The following TTN variants were observed in gnomAD, a reference collection of about 807,000 sequenced individuals.
TTN encodes connectin.
TTN carries 1,525 observed loss-of-function variants against 3,223.0 expected under a neutral mutation model. The observed-to-expected ratio is 0.47, with a 90% CI of 0.45 to 0.49. TTN has a LOEUF of 0.49. Among genes scored for constraint, TTN ranks in the 20% least tolerant of loss-of-function variants. TTN has a pLI of 0.00. For missense variants in TTN, 40,786 were observed against 43,424.0 expected (o/e 0.94, Z 5.40); for synonymous variants, 14,094 against 15,161.0 (o/e 0.93, Z 5.17).
Position 178,671,156 on chromosome 2 carries a change from C to G in TTN, c.35242G>C (p.Glu11748Gln), listed in dbSNP as rs1457672256. 1 of 1,602,320 alleles carries G rather than the reference C, an allele frequency of 6.2e-7. No individual in the cohort carries two copies. Residue 11748 changes from glutamate (E) to glutamine (Q), a missense_variant, in exon 156 of 363, where the codon GAG becomes CAG. Physicochemically the swap from Glu to Gln is conservative, Grantham distance 29. Transcript: ENST00000589042. ...KAPPKGPEISEKIIPPKKPPT... is the reference protein window; with the variant it reads ...KAPPKGPEISQKIIPPKKPPT... Reference sequence around the variant, plus strand: ...GGTTTTTTTGGAGGGATGATTTTCTCAGATATCTCAGGCCCTTCAAAGATA... The same window carrying G: ...GGTTTTTTTGGAGGGATGATTTTCTGAGATATCTCAGGCCCTTCAAAGATA...
chr2:178,775,164 C>T lies in TTN; in HGVS notation c.6547G>A (p.Val2183Ile), dbSNP rs940814498. The change falls in exon 29 of 363, where the codon GTT becomes ATT. Residue 2183 changes from valine to isoleucine, a missense_variant. Transcript: ENST00000589042. ...LITFTQELQD[V>I]VAKEKDTMAT... is the part of the protein sequence containing the mutation. ...ATAGTGTCTTTTTCCTTAGCAACAA[C>T]ATCTTGTAATTCCTGTGTGAAAGTG... 8.7e-6 allele frequency: 14 copies of T among 1,613,804 alleles called. No homozygotes were observed. The African/African-American group carries it at 1.1e-4, about 12-fold the overall frequency.
At position 178,784,145 on chromosome 2, in the gene TTN, C is replaced by G; in HGVS notation, c.2700G>C (p.Lys900Asn). The G allele has an allele frequency of 6.2e-7, 1 of 1,614,132 alleles. No homozygotes were observed. The highest frequency in any genetic ancestry group is 1.7e-5 in the Admixed American group (1 of 60,030). ...TGCCAGTGATGCTCACCCCTACTTCCTTTTTCACCTCAACGCCAGCTTCAC... is the reference window on the plus strand; with the variant it reads ...TGCCAGTGATGCTCACCCCTACTTCGTTTTTCACCTCAACGCCAGCTTCAC... ...YKSEAGVEVKKEVGVSITGTT... is the reference protein window; with the variant it reads ...YKSEAGVEVKNEVGVSITGTT... The change falls in exon 16 of 363, where the codon AAG becomes AAC. Residue 900 changes from lysine (K) to asparagine (N), a missense_variant. Transcript: ENST00000589042.
Position 178,731,399 on chromosome 2 carries a change from G to A in TTN, c.17367C>T (p.Leu5789=). 6.2e-7 allele frequency: 1 copy of A among 1,613,782 alleles called. No homozygotes were observed. Among genetic ancestry groups the A allele is most frequent in the East Asian group, 2.2e-5 (1 of 44,848 alleles). Residue 5789 remains leucine (L), a synonymous_variant, in exon 59 of 363, where the codon CTC becomes CTT. Coordinates refer to ENST00000589042, the MANE Select transcript of TTN (RefSeq NM_001267550.2). ...CATCATGCTTGACTTCAATGCCACTGAGGTACAAACTGGCCACATTGTTCT... is the reference window on the plus strand; with the variant it reads ...CATCATGCTTGACTTCAATGCCACTAAGGTACAAACTGGCCACATTGTTCT... ...TFENNVASLY[L]SGIEVKHDGK...
rs941241428 is a variant in TTN, at chr2:178,551,528, A to G, written c.91270+102T>C. 3.9e-6 allele frequency: 4 copies of G among 1,020,722 alleles called. No homozygotes were observed. In the Admixed American group the frequency reaches 9.2e-5, roughly 24 times the overall value. The allele number at this position is 1,020,722 out of a possible 1,614,324, so 63.2% of individuals were successfully genotyped here. ...TGACCAGTTCTCTAGTGACAAGAAG[A>G]TATGTAAGAAGGTGATGCAGAGAAG... On this transcript the variant is annotated intron_variant, in intron 335 of 362. Coordinates refer to ENST00000589042, the MANE Select transcript of TTN (RefSeq NM_001267550.2).
intron 11 of TTN, 86 bp downstream of exon 11, chr2:178,790,622 G>A: frequency 2.5e-6 from 4 of 1,599,624 alleles, no homozygotes; most frequent in Non-Finnish European, 3.4e-6. Context: ...GTGAAGAAGT[G>A]ATGATTAAGA....
intron 164 of TTN, 50 bp downstream of exon 164, chr2:178,665,658 A>G (rs2065802828): frequency 7.8e-7 from 1 of 1,286,968 alleles, no homozygotes; most frequent in Non-Finnish European, 1.0e-6. Context: ...CACCCTGTAC[A>G]TGCTAAGCAC....
chr2:178,583,669 G>T lies in TTN; in HGVS notation c.65513C>A (p.Thr21838Asn), dbSNP rs1458673199. 1 of 1,612,248 alleles carries T rather than the reference G, an allele frequency of 6.2e-7. No individual in the cohort carries two copies. Residue 21838 changes from threonine to asparagine, a missense_variant, in exon 312 of 363, where the codon ACC becomes AAC. Thr to Asn is a moderately conservative substitution (Grantham distance 65, BLOSUM62 0). Transcript: ENST00000589042. ...AQYQFRAIAR[T>N]AVNISPPSEP... ...AGAAGGTGGGCTAATGTTTACCGCG[G>T]TCCTGGCAATAGCTCTAAATTGATA...
At chr2:178,738,902 T>C (rs2081992691) in intron 48 of TTN, among the ~76,000 whole-genome samples, 1 of 152,170 alleles carries the variant, frequency 6.6e-6, no homozygotes, top group Non-Finnish European at 1.5e-5. Context: ...TTATGAAACA[T>C]ATGAAAATAT....
intron 209 of TTN, 41 bp downstream of exon 209, chr2:178,650,710 T>C (rs2742355): frequency 1.3e-6 from 2 of 1,509,218 alleles, no homozygotes; most frequent in Non-Finnish European, 1.8e-6. Context: ...TTAGAAATAG[T>C]CGCAAGTGGC....
rs755501933 is a variant in TTN at position 178,571,031 on chromosome 2, C to A, written c.75101G>T (p.Gly25034Val). 1 of 1,612,504 alleles carries A rather than the reference C, an allele frequency of 6.2e-7. No individual in the cohort carries two copies. The highest frequency in any genetic ancestry group is 8.5e-7 in the Non-Finnish European group (1 of 1,178,804). Residue 25034 changes from glycine (G) to valine (V), a missense_variant, in exon 326 of 363, where the codon GGT becomes GTT. Physicochemically the swap from Gly to Val is moderately radical, Grantham distance 109. Transcript: ENST00000589042. ...TLQWKKPTYD[G>V]GSKITGYIVE... ...AATATAACCAGTGATCTTGCTTCCA[C>A]CGTCATAGGTGGGTTTCTTCCACTG...
At chr2:178,684,208 T>C in intron 132 of TTN, 122 bp downstream of exon 132, 2 of 1,364,334 alleles carry the variant, frequency 1.5e-6, no homozygotes, top group Admixed American at 2.1e-5. Flanking sequence ...AAACAACAAC[T>C]GTAACAACAA....
intron 106 of TTN, among the ~76,000 whole-genome samples, chr2:178,703,911 A>T (rs1378065545): frequency 1.3e-5 from 2 of 152,242 alleles, no homozygotes; most frequent in Non-Finnish European, 2.9e-5. Flanking sequence ...GTTAAAGATT[A>T]TGTCTTAGAC....
At chr2:178,538,115 A>G in intron 354 of TTN, 198 bp from the exon 355 acceptor site, 1 of 588,278 alleles carries the variant, frequency 1.7e-6, no homozygotes, top group South Asian at 2.5e-5. Context: ...ACATCGTCAC[A>G]TTTTATGTAG....
rs147788301 is a variant in TTN at position 178,646,767 on chromosome 2, C to A, written c.40223-208G>T. On this transcript the variant is annotated intron_variant, in intron 215 of 362. Transcript: ENST00000589042. Reference sequence around the variant, plus strand: ...TAGATTATTCAATGTATATTGATGGCAAATGAGATGACTTTTAAAATTTGA... The same window carrying A: ...TAGATTATTCAATGTATATTGATGGAAAATGAGATGACTTTTAAAATTTGA... 7.2e-3 allele frequency among the ~76,000 whole-genome samples: 1,093 copies of A among 152,020 alleles called. 14 individuals are homozygous for A. Among genetic ancestry groups the A allele is most frequent in the African/African-American group, 0.025 (1,052 of 41,520 alleles).
At chr2:178,638,549 T>C (rs868744082) in intron 223 of TTN, among the ~76,000 whole-genome samples, 43 of 151,234 alleles carry the variant, frequency 2.8e-4, no homozygotes, top group African/African-American at 1.0e-3. Context: ...ATGTAACAAA[T>C]AGTTCTCTTT....
intron 159 of TTN, 144 bp from the exon 160 acceptor site, chr2:178,667,865 G>T (rs1429483409): frequency 6.9e-6 from 4 of 576,946 alleles, no homozygotes; most frequent in Non-Finnish European, 1.2e-5. Flanking sequence ...AGAATGCATT[G>T]GCTGGGGATA....
At chr2:178,764,991 A>G (rs921185865) in intron 41 of TTN, among the ~76,000 whole-genome samples, 180 bp from the exon 42 acceptor site, 7 of 152,188 alleles carry the variant, frequency 4.6e-5, no homozygotes, top group Non-Finnish European at 8.8e-5. Flanking sequence ...TGAAGAAAGC[A>G]CTTGGAATTT....
intron 41 of TTN, among the ~76,000 whole-genome samples, chr2:178,766,150 C>A (rs887481829): frequency 3.9e-5 from 6 of 152,154 alleles, no homozygotes; most frequent in Middle Eastern, 3.2e-3. Context: ...TTTTGAGCAA[C>A]CAGATGAGGA....
At chr2:178,774,797 T>C in intron 29 of TTN, 124 bp downstream of exon 29, 1 of 1,141,168 alleles carries the variant, frequency 8.8e-7, no homozygotes, top group Admixed American at 2.2e-5. Context: ...ATTCTGGCTA[T>C]GAAACTTATA....
Sources: gnomAD v4.1 joint callset for allele counts (sites outside exome capture counted in the v4.1 genomes callset) on GRCh38, gnomAD v4.1.1 for gene constraint, MANE v1.5 for transcripts, NCBI Gene and HGNC (gene_info 2026-07-23, HGNC 2026-07-21) for gene names.